TENM2: variants seen among roughly 807,000 people sequenced by gnomAD.
TENM2 encodes the protein teneurin-2.
TENM2 carries 52 observed loss-of-function variants against 245.2 expected under a neutral mutation model. The ratio of observed to expected loss-of-function variants is 0.21; its 90% CI spans 0.17 to 0.27. The LOEUF (loss-of-function observed/expected upper bound fraction) is 0.27. Among genes scored for constraint, TENM2 ranks in the 10% least tolerant of loss-of-function variants. TENM2 has a pLI of 1.00. For synonymous variants in TENM2, 1,363 were observed against 1,438.9 expected (o/e 0.95, Z 1.19); for missense variants, 3,046 against 3,666.8 (o/e 0.83, Z 4.37).
At chr5:167,362,169 A>G (rs1581843386) in intron 1 of TENM2, among the ~76,000 whole-genome samples, 2 of 152,306 alleles carry the variant, frequency 1.3e-5, no homozygotes, top group East Asian at 3.9e-4. Flanking sequence ...AAAGGAAGAA[A>G]AGGAAAACTC....
intron 12 of TENM2, among the ~76,000 whole-genome samples, chr5:168,142,792 C>G (rs1755669997): frequency 6.6e-6 from 1 of 152,172 alleles, no homozygotes; most frequent in African/African-American, 2.4e-5. Context: ...CCAAACGTGG[C>G]ACCTAGCAGC....
intron 2 of TENM2, among the ~76,000 whole-genome samples, chr5:167,752,450 C>A (rs1221652814): frequency 5.9e-5 from 9 of 151,824 alleles, no homozygotes; most frequent in African/African-American, 2.2e-4. Flanking sequence ...TGTGTGAGCA[C>A]CCTGCTTACC....
exon 28 of TENM2, chr5:168,260,352 A>T (rs1348677498): frequency 6.2e-7 from 1 of 1,614,012 alleles, no homozygotes; most frequent in Non-Finnish European, 8.5e-7. Flanking sequence ...CCGAGAGCCA[A>T]AATGTATTTC....
chr5:167,698,504 G>A lies in TENM2; in HGVS notation c.503-177482G>A, dbSNP rs150995970. Among the ~76,000 whole-genome samples, 51 of 152,032 alleles carry A rather than the reference G, an allele frequency of 3.4e-4. No homozygotes were observed. In the East Asian group the frequency reaches 9.1e-3, roughly 27 times the overall value. ...CCCAAGATTAACTGGATGTCTCCCCGACCCACCTACCCAGGTCCTGGTCTC... is the reference window on the plus strand; with the variant it reads ...CCCAAGATTAACTGGATGTCTCCCCAACCCACCTACCCAGGTCCTGGTCTC... On this transcript the variant is annotated intron_variant, in intron 2 of 28. Transcript: ENST00000518659.
chr5:167,343,118 G>A, intron 1 of TENM2, among the ~76,000 whole-genome samples: 1 of 152,036 alleles, frequency 6.6e-6, no homozygotes, highest in East Asian at 1.9e-4. Flanking sequence ...TTCCAGCTTT[G>A]GTTCCTGGGA....
the TENM2 span, among the ~76,000 whole-genome samples, chr5:167,084,366 T>TATATATATATATATAG: frequency 8.7e-6 from 1 of 114,898 alleles, no homozygotes; most frequent in Non-Finnish European, 1.9e-5. Context: ...TATATATATA[T>TATATATATATATATAG]ACAGATCAGA....
chr5:168,139,395 T>C (rs917265891), intron 12 of TENM2: 27 of 438,832 alleles, frequency 6.2e-5, no homozygotes, highest in Non-Finnish European at 1.1e-4. Flanking sequence ...TTTTATTTAT[T>C]TTGAAAACCT....
chr5:167,045,677 C>T, the TENM2 span, among the ~76,000 whole-genome samples: 1 of 152,308 alleles, frequency 6.6e-6, no homozygotes, highest in East Asian at 1.9e-4. Flanking sequence ...CAAGCTGTCA[C>T]TTTTTATCCA....
intron 11 of TENM2, among the ~76,000 whole-genome samples, chr5:168,125,921 A>G (rs1448386215): frequency 6.6e-6 from 1 of 152,062 alleles, no homozygotes; most frequent in Non-Finnish European, 1.5e-5. Context: ...ATGCTGTGTG[A>G]CTTTGAGTGA....
chr5:167,759,754 G>A (rs969837608), intron 2 of TENM2, among the ~76,000 whole-genome samples: 1 of 152,068 alleles, frequency 6.6e-6, no homozygotes, highest in Admixed American at 6.5e-5. Flanking sequence ...GGAAGCTGTT[G>A]CCCCATCAAT....
At chr5:167,317,448 A>G (rs1477447714) in intron 1 of TENM2, among the ~76,000 whole-genome samples, 2 of 152,122 alleles carry the variant, frequency 1.3e-5, no homozygotes, top group Non-Finnish European at 2.9e-5. Flanking sequence ...TCAACCCTAC[A>G]GTTAATCACT....
intron 2 of TENM2, among the ~76,000 whole-genome samples, chr5:167,574,530 G>A (rs1351474615): frequency 6.6e-6 from 1 of 152,166 alleles, no homozygotes; most frequent in African/African-American, 2.4e-5. Flanking sequence ...TGTGGGTGAA[G>A]CGCTTCTTAT....
intron 7 of TENM2, among the ~76,000 whole-genome samples, chr5:168,067,200 T>A (rs879537994): frequency 1.3e-5 from 2 of 152,168 alleles, no homozygotes; most frequent in African/African-American, 4.8e-5. Flanking sequence ...AAGTATACGA[T>A]GGGCTTACAG....
At chr5:167,539,427 G>A (rs1772054331) in intron 2 of TENM2, among the ~76,000 whole-genome samples, 1 of 152,064 alleles carries the variant, frequency 6.6e-6, no homozygotes, top group South Asian at 2.1e-4. Context: ...ACCAGTAAAA[G>A]TGCTTATTGA....
intron 2 of TENM2, among the ~76,000 whole-genome samples, chr5:167,873,140 G>C: frequency 6.6e-6 from 1 of 152,238 alleles, no homozygotes; most frequent in Middle Eastern, 3.2e-3. Context: ...CTGAGTTCAG[G>C]AGCCTTGAAG....
chr5:167,537,614 CA>C (rs1345183138), intron 2 of TENM2, among the ~76,000 whole-genome samples: 3 of 152,216 alleles, frequency 2.0e-5, no homozygotes, highest in Non-Finnish European at 4.4e-5. Context: ...AGACCTTCAA[CA>C]AAAGTCATGG....
chr5:167,515,097 C>T (rs929150051), intron 2 of TENM2, among the ~76,000 whole-genome samples: 14 of 152,054 alleles, frequency 9.2e-5, no homozygotes, highest in Admixed American at 2.6e-4. Flanking sequence ...AGGTAAACAC[C>T]GAAAGTGAGA....
chr5:167,709,271 C>T (rs2150476506), intron 2 of TENM2, among the ~76,000 whole-genome samples: 1 of 152,282 alleles, frequency 6.6e-6, no homozygotes, highest in South Asian at 2.1e-4. Context: ...TGATCTTTTA[C>T]TCTAATTTTC....
chr5:167,483,727 C>T lies in TENM2; in HGVS notation c.502+108254C>T, dbSNP rs190092191. ...AACTGTCTCAAAATCTTTATTCTCT[C>T]TGGAATTTATTTTTCAGAAATATTA... On this transcript the variant is annotated intron_variant, in intron 2 of 28. Transcript: ENST00000518659. 2.0e-3 allele frequency among the ~76,000 whole-genome samples: 308 copies of T among 152,280 alleles called. 1 individual carries two copies. The highest frequency in any genetic ancestry group is 5.6e-3 in the Admixed American group (86 of 15,290).
Sources: allele counts gnomAD v4.1 joint callset (sites outside exome capture counted in the v4.1 genomes callset), GRCh38; gene constraint gnomAD v4.1.1; transcripts MANE v1.5; gene names NCBI Gene and HGNC (gene_info 2026-07-23, HGNC 2026-07-21).